PAX5: variants seen among roughly 807,000 people sequenced by gnomAD.
PAX5 encodes paired box 5.
PAX5 carries 9 observed loss-of-function variants against 43.7 expected under a neutral mutation model. The observed-to-expected ratio is 0.21, with a 90% CI of 0.12 to 0.36. The LOEUF (loss-of-function observed/expected upper bound fraction) is 0.36. Ranked by LOEUF, PAX5 falls within the 10% of genes least tolerant of loss-of-function variation. The pLI, the probability that PAX5 is intolerant of heterozygous loss-of-function variation, is 1.00. For synonymous variants in PAX5, 228 were observed against 214.3 expected (o/e 1.06, Z -0.56); for missense variants, 383 against 532.7 (o/e 0.72, Z 2.77).
At chr9:36,853,180 T>C (rs1823332001) in intron 8 of PAX5, among the ~76,000 whole-genome samples, 1 of 152,240 alleles carries the variant, frequency 6.6e-6, no homozygotes, top group Non-Finnish European at 1.5e-5. Context: ...TTCCCCTAAG[T>C]ACTTCAGCAT....
intron 3 of PAX5, among the ~76,000 whole-genome samples, chr9:37,014,023 G>A (rs899952649): frequency 5.9e-5 from 9 of 152,146 alleles, no homozygotes; most frequent in African/African-American, 2.2e-4. Context: ...GGTAGGGTGT[G>A]ATTTGGAGAA....
At chr9:36,851,467 C>G (rs1386331611) in intron 8 of PAX5, among the ~76,000 whole-genome samples, 1 of 152,072 alleles carries the variant, frequency 6.6e-6, no homozygotes, top group Non-Finnish European at 1.5e-5. Context: ...GAGGAAGGAG[C>G]CAGCGGGATT....
rs1378353563 is a variant in PAX5, at chr9:36,837,043, G to A, written c.*3517C>T. ...AGGCCCCTAGGTCAGGCCAGCCTCT[G>A]GGTCCCTGTTCTTTCTTGCCTGATT... is the stretch of plus-strand genomic sequence containing the variant. On this transcript the variant is annotated 3_prime_UTR_variant, in exon 10 of 10. Transcript: ENST00000358127. The A allele has an allele frequency of 1.7e-5, 4 of 232,898 alleles. No homozygotes were observed. Among genetic ancestry groups the A allele is most frequent in the Admixed American group, 5.6e-5 (1 of 17,770 alleles). 14.4% of individuals were successfully genotyped at this position (232,898 alleles called of 1,614,324 possible). A position where few individuals can be genotyped will look rare whatever the true frequency, so the allele number is the denominator to read the frequency against.
intron 7 of PAX5, among the ~76,000 whole-genome samples, chr9:36,889,948 G>A (rs918018162): frequency 7.0e-6 from 1 of 143,608 alleles, no homozygotes; most frequent in Non-Finnish European, 1.5e-5. Flanking sequence ...TAACGGGGGG[G>A]GGGGGAATGT....
intron 7 of PAX5, among the ~76,000 whole-genome samples, chr9:36,906,989 C>A (rs1285712880): frequency 1.3e-5 from 2 of 152,178 alleles, no homozygotes; most frequent in Non-Finnish European, 2.9e-5. Flanking sequence ...CATCTGCACA[C>A]AGGACTGCAC....
At chr9:36,954,949 T>C (rs1833325473) in intron 6 of PAX5, among the ~76,000 whole-genome samples, 1 of 152,210 alleles carries the variant, frequency 6.6e-6, no homozygotes, top group Non-Finnish European at 1.5e-5. Context: ...TTCCTCAGCT[T>C]TGTCTCCTCC....
At position 36,882,082 on chromosome 9, in the gene PAX5, G is replaced by A. The variant is rs1826476120; in HGVS notation, c.934C>T (p.Leu312Phe). The A allele has an allele frequency of 6.2e-7, 1 of 1,604,022 alleles. No homozygotes were observed. Among genetic ancestry groups the A allele is most frequent in the African/African-American group, 1.3e-5 (1 of 74,652 alleles). ...GGGACGTGTGGAGGGTACCCGGGGA[G>A]GGTCGTGCTCGCCAAGTCACGGCCT... ...VTGRDLASTT[L>F]PGYPPHVPPA... Residue 312 changes from leucine to phenylalanine, a missense_variant, in exon 8 of 10, where the codon CTC becomes TTC. By Grantham distance (22) the Leu-to-Phe change is conservative (BLOSUM62 0). Coordinates refer to ENST00000358127, the MANE Select transcript of PAX5 (RefSeq NM_016734.3). The surrounding 1 kb of genome is among the most constrained non-coding windows in gnomAD (Gnocchi z 4.4).
chr9:36,934,512 G>A (rs558085790), intron 6 of PAX5, among the ~76,000 whole-genome samples: 21 of 152,194 alleles, frequency 1.4e-4, no homozygotes, highest in African/African-American at 5.1e-4. Flanking sequence ...AGGAGTCCTC[G>A]GTATTATTTC....
At chr9:36,991,126 A>C (rs2132327936) in intron 5 of PAX5, among the ~76,000 whole-genome samples, 1 of 139,720 alleles carries the variant, frequency 7.2e-6, no homozygotes, top group South Asian at 2.3e-4. Context: ...AAAAAAAAAA[A>C]AATTCCAGCA....
rs60309871 is a variant in PAX5, at chr9:37,015,808, G to A, written c.213-614C>T. ...TTAGTCAGGCTGGTCTCGAACTCCC[G>A]ACCTCAGGTTATCCGCCTGCCTCGG... is the stretch of plus-strand genomic sequence containing the variant. On this transcript the variant is annotated intron_variant, in intron 2 of 9. Transcript: ENST00000358127. This position sits in a 1 kb window ranked among gnomAD's most constrained non-coding sequence, Gnocchi z 4.4. 6.6e-6 allele frequency among the ~76,000 whole-genome samples: 1 copy of A among 151,742 alleles called. No individual in the cohort carries two copies. The highest frequency in any genetic ancestry group is 1.9e-4 in the East Asian group (1 of 5,168).
chr9:37,019,079 C>T lies in PAX5; in HGVS notation c.212+1557G>A, dbSNP rs890735552. Among the ~76,000 whole-genome samples the T allele has an allele frequency of 1.6e-4, 25 of 152,074 alleles. 1 individual carries two copies. The highest frequency in any genetic ancestry group is 1.9e-4 in the East Asian group (1 of 5,200). On this transcript the variant is annotated intron_variant, in intron 2 of 9. Coordinates refer to ENST00000358127, the MANE Select transcript of PAX5 (RefSeq NM_016734.3). ...GGCTCCACAAAAAGATATCTAGGAGCCTTTTGGTTCTAGAAGTCTGATGCT... is the reference window on the plus strand; with the variant it reads ...GGCTCCACAAAAAGATATCTAGGAGTCTTTTGGTTCTAGAAGTCTGATGCT...
intron 5 of PAX5, among the ~76,000 whole-genome samples, chr9:36,969,749 G>A (rs1380460992): frequency 6.6e-6 from 1 of 152,240 alleles, no homozygotes; most frequent in East Asian, 1.9e-4. Flanking sequence ...CTGGGAGGCC[G>A]AGGTGGGTGG....
chr9:36,873,315 A>G (rs1825648867), intron 8 of PAX5, among the ~76,000 whole-genome samples: 1 of 152,220 alleles, frequency 6.6e-6, no homozygotes, highest in South Asian at 2.1e-4. Context: ...CTCCACCCCT[A>G]GCCCACAATT....
chr9:36,838,820 G>T lies in PAX5; in HGVS notation c.*1740C>A. On this transcript the variant is annotated 3_prime_UTR_variant, in exon 10 of 10. Coordinates refer to ENST00000358127, the MANE Select transcript of PAX5 (RefSeq NM_016734.3). ...CTACAGATGACCCTGCTGCACCAAG[G>T]CAGCCAAGGCTCAAAGAGGTGCAGG... 1 of 233,304 alleles carries T rather than the reference G, an allele frequency of 4.3e-6. No homozygotes were observed. The highest frequency in any genetic ancestry group is 6.0e-5 in the East Asian group (1 of 16,536). 14.5% of individuals were successfully genotyped at this position (233,304 alleles called of 1,614,324 possible). A position where few individuals can be genotyped will look rare whatever the true frequency, so the allele number is the denominator to read the frequency against.
chr9:37,001,342 C>A (rs1341458447), intron 5 of PAX5, among the ~76,000 whole-genome samples: 1 of 152,206 alleles, frequency 6.6e-6, no homozygotes, highest in Non-Finnish European at 1.5e-5. Flanking sequence ...ACAAATACAT[C>A]CAGGCCCCAG....
chr9:37,013,307 G>A lies in PAX5; in HGVS notation c.410+1690C>T, dbSNP rs1042132115. Among the ~76,000 whole-genome samples, 8 of 152,206 alleles carry A rather than the reference G, an allele frequency of 5.3e-5. No homozygotes were observed. In the East Asian group the frequency reaches 5.8e-4, roughly 11 times the overall value. ...GCCAGGGACCCAACCTCTCCCCATC[G>A]TCTTTTGCCTGGCCTGCTTCCCTCA... On this transcript the variant is annotated intron_variant, in intron 3 of 9. Transcript: ENST00000358127.
At chr9:36,967,029 T>C (rs1034692715) in intron 5 of PAX5, among the ~76,000 whole-genome samples, 1 of 152,218 alleles carries the variant, frequency 6.6e-6, no homozygotes, top group African/African-American at 2.4e-5. Context: ...ATGAGAAGAC[T>C]GAGACCTAGA....
At chr9:36,849,779 C>G (rs1205528913) in intron 8 of PAX5, among the ~76,000 whole-genome samples, 1 of 152,196 alleles carries the variant, frequency 6.6e-6, no homozygotes, top group Non-Finnish European at 1.5e-5. Context: ...GGTGGGCACC[C>G]CCAACATGGG....
At chr9:36,937,402 C>T (rs1384515646) in intron 6 of PAX5, among the ~76,000 whole-genome samples, 1 of 152,202 alleles carries the variant, frequency 6.6e-6, no homozygotes. Context: ...CTGTTACTAA[C>T]CCCAACAAGT....
Sources: gnomAD v4.1 joint callset for allele counts (sites outside exome capture counted in the v4.1 genomes callset) on GRCh38, gnomAD v4.1.1 for gene constraint, Gnocchi (gnomAD v3.1) non-coding constraint, MANE v1.5 for transcripts, NCBI Gene and HGNC (gene_info 2026-07-23, HGNC 2026-07-21) for gene names.